CC2D2A: variants seen among roughly 807,000 people sequenced by gnomAD.
CC2D2A encodes the protein coiled-coil and C2 domain-containing protein 2A.
Under a neutral mutation model 212.9 loss-of-function variants are expected in CC2D2A, and 155 were observed. That is an observed-to-expected ratio of 0.73 (90% CI 0.64 to 0.83). The LOEUF is 0.83. Ranked by LOEUF, CC2D2A falls within the 40% of genes least tolerant of loss-of-function variation. CC2D2A has a pLI of 0.00. For synonymous variants in CC2D2A, 667 were observed against 686.5 expected, an observed-to-expected ratio of 0.97 and a Z score of 0.44; for missense variants, 1,856 against 1,956.2, an observed-to-expected ratio of 0.95 and a Z score of 0.97.
chr4:15,522,024 C>T (rs1218791986), intron 11 of CC2D2A, among the ~76,000 whole-genome samples: 10 of 152,024 alleles, frequency 6.6e-5, no homozygotes, highest in Non-Finnish European at 1.5e-4. Context: ...CATAGTGAGA[C>T]CCCCCTACCT....
chr4:15,491,816 T>C (rs1171888606), intron 4 of CC2D2A, among the ~76,000 whole-genome samples: 1 of 152,252 alleles, frequency 6.6e-6, no homozygotes, highest in Non-Finnish European at 1.5e-5. Flanking sequence ...TGAAAATATT[T>C]TCTCCAAGTC....
At position 15,569,242 on chromosome 4, in the gene CC2D2A, A is replaced by C. The variant is rs374418312; in HGVS notation, c.3399-51A>C. ...CAAATGCTGACATTTGAATGCTCAT[A>C]ATTTCTATGTTGCCTATTTTCACAG... is the stretch of plus-strand genomic sequence containing the variant. On this transcript the variant is annotated intron_variant, in intron 26 of 36. Transcript: ENST00000424120. 2.7e-5 allele frequency: 27 copies of C among 997,422 alleles called. No individual in the cohort carries two copies. The African/African-American group carries it at 4.0e-4, about 15-fold the overall frequency. The allele number at this position is 997,422 out of a possible 1,614,324, so 61.8% of individuals were successfully genotyped here.
chr4:15,564,612 T>C (rs964838024), intron 24 of CC2D2A, among the ~76,000 whole-genome samples: 3 of 152,114 alleles, frequency 2.0e-5, no homozygotes, highest in African/African-American at 7.2e-5. Context: ...CTTGGTGTCT[T>C]TTCTCCCTAG....
At chr4:15,478,883 A>T in intron 3 of CC2D2A, 77 bp downstream of exon 3, 1 of 1,202,110 alleles carries the variant, frequency 8.3e-7, no homozygotes, top group Non-Finnish European at 1.2e-6. Context: ...GCCATACAGA[A>T]TCCACAAGGG....
intron 33 of CC2D2A, among the ~76,000 whole-genome samples, chr4:15,591,846 T>C (rs1185343095): frequency 3.9e-5 from 6 of 152,156 alleles, no homozygotes; most frequent in African/African-American, 1.4e-4. Context: ...CTCAAAACAA[T>C]TACTATATGG....
chr4:15,548,565 T>G (rs1718828493), intron 17 of CC2D2A, among the ~76,000 whole-genome samples: 1 of 144,932 alleles, frequency 6.9e-6, no homozygotes, highest in Middle Eastern at 3.2e-3. Context: ...CTCAATTAAT[T>G]CTGGCAAAAA....
intron 6 of CC2D2A, among the ~76,000 whole-genome samples, chr4:15,506,560 T>G (rs1716266720): frequency 6.6e-6 from 1 of 152,198 alleles, no homozygotes; most frequent in Admixed American, 6.5e-5. Context: ...CAGCCAAGTT[T>G]CTCTCTCATG....
chr4:15,567,843 AG>A lies in CC2D2A; in HGVS notation c.3398+58del. 6.2e-6 allele frequency: 8 copies of A among 1,282,256 alleles called. No homozygotes were observed. In the South Asian group the frequency reaches 1.2e-4, roughly 19 times the overall value. 79.4% of individuals were successfully genotyped at this position (1,282,256 alleles called of 1,614,324 possible). A position where few individuals can be genotyped will look rare whatever the true frequency, so the allele number is the denominator to read the frequency against. On this transcript the variant is annotated intron_variant, in intron 26 of 36. Transcript: ENST00000424120. ...GGACATTTTGAAGAAATGTGAAGAAAGCAGGCTCATGAGAAACGGCTAAGGT... is the reference window on the plus strand; with the variant it reads ...GGACATTTTGAAGAAATGTGAAGAAACAGGCTCATGAGAAACGGCTAAGGT...
intron 29 of CC2D2A, among the ~76,000 whole-genome samples, chr4:15,576,987 CT>C (rs1464750074): frequency 6.6e-6 from 1 of 152,102 alleles, no homozygotes; most frequent in African/African-American, 2.4e-5. Flanking sequence ...TACAGCTTTT[CT>C]TTTTTGTTGT....
Position 15,555,107 on chromosome 4 carries a change from G to T in CC2D2A, c.2522G>T (p.Gly841Val), listed in dbSNP as rs778650437. The change falls in exon 20 of 37, where the codon GGC (glycine) becomes GTC (valine). Residue 841 changes from glycine to valine, a missense_variant. Gly to Val is a moderately radical substitution (Grantham distance 109, BLOSUM62 -3). This residue lies in a region of CC2D2A where 1,512 missense variants were observed against 1,579.3 expected (regional missense o/e 0.96). Transcript: ENST00000424120. ...AAAGCAGATGCCATCTCATCTATTG[G>T]CACATCAGGACTGACAGACATGAAA... ...LKKADAISSI[G>V]TSGLTDMKKL... The T allele has an allele frequency of 6.2e-7, 1 of 1,613,438 alleles. No individual in the cohort carries two copies. Among genetic ancestry groups the T allele is most frequent in the East Asian group, 2.2e-5 (1 of 44,848 alleles).
intron 17 of CC2D2A, among the ~76,000 whole-genome samples, chr4:15,545,292 G>T (rs1301952979): frequency 6.6e-6 from 1 of 152,138 alleles, no homozygotes; most frequent in Non-Finnish European, 1.5e-5. Context: ...TTCAGAAAAA[G>T]TTCTAAGATT....
At position 15,535,218 on chromosome 4, in the gene CC2D2A, C is replaced by A. The variant is rs2872703; in HGVS notation, c.1608-1702C>A. 5.3e-3 allele frequency among the ~76,000 whole-genome samples: 803 copies of A among 152,248 alleles called. 6 individuals carry two copies. Among genetic ancestry groups the A allele is most frequent in the African/African-American group, 0.016 (665 of 41,548 alleles). On this transcript the variant is annotated intron_variant, in intron 14 of 36. Coordinates refer to ENST00000424120, the MANE Select transcript of CC2D2A (RefSeq NM_001378615.1). ...GTGTTTGTGCTTTCGAATTCCATCT[C>A]CTAGGCTGAGCCTCCCACAGAAGCA...
intron 30 of CC2D2A, among the ~76,000 whole-genome samples, chr4:15,585,203 T>G (rs767017853): frequency 6.6e-6 from 1 of 152,212 alleles, no homozygotes; most frequent in Non-Finnish European, 1.5e-5. Context: ...CACACGTGTA[T>G]TGCAGTGCTA....
chr4:15,505,714 T>C (rs1716218394), intron 6 of CC2D2A, among the ~76,000 whole-genome samples: 1 of 152,220 alleles, frequency 6.6e-6, no homozygotes, highest in African/African-American at 2.4e-5. Flanking sequence ...AACAAAAGGA[T>C]AAATAGCTAC....
In CC2D2A at chr4:15,511,242, G is replaced by A. The variant is rs369022150; in HGVS notation, c.541-5G>A. On this transcript the variant is annotated splice_region_variant and splice_polypyrimidine_tract_variant and intron_variant, in intron 7 of 36. Coordinates refer to ENST00000424120, the MANE Select transcript of CC2D2A (RefSeq NM_001378615.1). ...AAATTGCGATTGCTCCTTGCTTTTCGTTAGGTTCCACCTGGCTTCCCTTCT... is the reference window on the plus strand; with the variant it reads ...AAATTGCGATTGCTCCTTGCTTTTCATTAGGTTCCACCTGGCTTCCCTTCT... The A allele has an allele frequency of 5.4e-5, 86 of 1,592,134 alleles. 1 individual carries two copies. Among genetic ancestry groups the A allele is most frequent in the East Asian group, 2.9e-4 (13 of 44,224 alleles).
intron 17 of CC2D2A, among the ~76,000 whole-genome samples, chr4:15,548,115 T>C (rs1718803685): frequency 1.4e-5 from 2 of 141,480 alleles, no homozygotes; most frequent in Middle Eastern, 3.3e-3. Flanking sequence ...ATTGGGGAAA[T>C]TCTGGATTTT....
intron 30 of CC2D2A, among the ~76,000 whole-genome samples, chr4:15,582,830 G>C (rs1308566144): frequency 6.6e-6 from 1 of 152,074 alleles, no homozygotes; most frequent in East Asian, 1.9e-4. Context: ...AGGGAACTCT[G>C]TTAAAGTCAT....
At chr4:15,513,537 C>T (rs1278128149) in intron 8 of CC2D2A, among the ~76,000 whole-genome samples, 1 of 152,252 alleles carries the variant, frequency 6.6e-6, no homozygotes, top group Non-Finnish European at 1.5e-5. Flanking sequence ...TTAAATCACA[C>T]ACATTTGGAA....
chr4:15,550,664 T>G, intron 17 of CC2D2A, 160 bp from the exon 18 acceptor site: 1 of 452,986 alleles, frequency 2.2e-6, no homozygotes, highest in Non-Finnish European at 3.8e-6. Context: ...CTCATCTCCA[T>G]GGAAACCATA....
Sources: allele counts gnomAD v4.1 joint callset (sites outside exome capture counted in the v4.1 genomes callset), GRCh38; gene constraint gnomAD v4.1.1; regional missense constraint gnomAD v4.1.1; transcripts MANE v1.5; gene names NCBI Gene and HGNC (gene_info 2026-07-23, HGNC 2026-07-21).